WDR70: variants seen among roughly 807,000 people sequenced by gnomAD.
WDR70 encodes WD repeat domain 70.
In WDR70, 53 loss-of-function variants were observed where a neutral mutation model predicts 88.6. The observed-to-expected ratio is 0.60, with a 90% CI of 0.48 to 0.75. The LOEUF is 0.75. WDR70 is among the 30% of genes least tolerant of loss of function. WDR70 has a pLI of 0.00. For missense variants in WDR70, 610 were observed against 823.2 expected, an observed-to-expected ratio of 0.74 and a Z score of 3.17; for synonymous variants, 280 against 270.0, an observed-to-expected ratio of 1.04 and a Z score of -0.36.
At chr5:37,440,223 C>G (rs1328201905) in intron 6 of WDR70, among the ~76,000 whole-genome samples, 1 of 152,110 alleles carries the variant, frequency 6.6e-6, no homozygotes, top group Non-Finnish European at 1.5e-5. Context: ...GTCAACTGAA[C>G]CCTTCCCACT....
chr5:37,441,533 ACT>A (rs1245055546), intron 6 of WDR70, among the ~76,000 whole-genome samples: 1 of 152,038 alleles, frequency 6.6e-6, no homozygotes, highest in African/African-American at 2.4e-5. Context: ...TAAAACGTTG[ACT>A]CTGGCCAGGT....
chr5:37,727,125 T>A, intron 17 of WDR70, 80 bp downstream of exon 17: 1 of 1,485,996 alleles, frequency 6.7e-7, no homozygotes. Flanking sequence ...GTTTTTGAGT[T>A]CTAACTTCTC....
chr5:37,657,424 T>C (rs1745584394), intron 10 of WDR70, among the ~76,000 whole-genome samples: 1 of 152,196 alleles, frequency 6.6e-6, no homozygotes, highest in South Asian at 2.1e-4. Context: ...AGACCTGAGC[T>C]ATTCCTATTC....
At chr5:37,749,431 A>G (rs972336464) in intron 17 of WDR70, among the ~76,000 whole-genome samples, 6 of 151,770 alleles carry the variant, frequency 4.0e-5, no homozygotes, top group Non-Finnish European at 7.3e-5. Flanking sequence ...ACCACACACC[A>G]GGGCCTTTTG....
chr5:37,607,407 G>A (rs887546341), intron 10 of WDR70, among the ~76,000 whole-genome samples: 2 of 152,058 alleles, frequency 1.3e-5, no homozygotes, highest in Admixed American at 6.6e-5. Context: ...TGATGATTAA[G>A]TAAAACATTC....
At chr5:37,578,475 C>G (rs1743119605) in intron 9 of WDR70, among the ~76,000 whole-genome samples, 1 of 152,150 alleles carries the variant, frequency 6.6e-6, no homozygotes, top group South Asian at 2.1e-4. Context: ...CGGTAGTTGA[C>G]CATTCAGCTG....
intron 13 of WDR70, among the ~76,000 whole-genome samples, chr5:37,717,617 G>T (rs1261708558): frequency 6.6e-6 from 1 of 152,148 alleles, no homozygotes; most frequent in Non-Finnish European, 1.5e-5. Flanking sequence ...TCTGATGTTG[G>T]TTCCTTAGGC....
At chr5:37,478,809 A>G (rs1739565870) in intron 7 of WDR70, among the ~76,000 whole-genome samples, 1 of 152,248 alleles carries the variant, frequency 6.6e-6, no homozygotes, top group South Asian at 2.1e-4. Flanking sequence ...ATTAGCCATC[A>G]GTAGGCAAAA....
chr5:37,656,612 G>A (rs1350742847), intron 10 of WDR70, among the ~76,000 whole-genome samples: 2 of 152,200 alleles, frequency 1.3e-5, no homozygotes, highest in African/African-American at 4.8e-5. Flanking sequence ...CCCCTGACTG[G>A]GGCTGCTGCC....
chr5:37,726,809 C>T lies in WDR70; in HGVS notation c.1715-74C>T, dbSNP rs886224559. 54 of 1,402,998 alleles carry T rather than the reference C, an allele frequency of 3.8e-5. 1 individual carries two copies. In the East Asian group the frequency reaches 1.3e-3, roughly 33 times the overall value. The allele number at this position is 1,402,998 out of a possible 1,614,324, so 86.9% of individuals were successfully genotyped here. A position where few individuals can be genotyped will look rare whatever the true frequency, so the allele number is the denominator to read the frequency against. On this transcript the variant is annotated intron_variant, in intron 16 of 17. Transcript: ENST00000265107. ...CTTGAGATTTGTGCTCAGATAAGTA[C>T]AGTGTACACAGATATACCTATGTAT...
intron 10 of WDR70, among the ~76,000 whole-genome samples, chr5:37,605,885 T>C (rs1744019020): frequency 6.6e-6 from 1 of 152,166 alleles, no homozygotes; most frequent in African/African-American, 2.4e-5. Context: ...GTATAGATGG[T>C]AAAACAAAGA....
intron 10 of WDR70, among the ~76,000 whole-genome samples, chr5:37,665,469 T>G (rs1314602906): frequency 6.6e-6 from 1 of 152,202 alleles, no homozygotes; most frequent in Non-Finnish European, 1.5e-5. Flanking sequence ...AAGCATCTGC[T>G]GCACAGGCGC....
chr5:37,740,234 C>T (rs1013596245), intron 17 of WDR70, among the ~76,000 whole-genome samples: 1 of 152,108 alleles, frequency 6.6e-6, no homozygotes, highest in Non-Finnish European at 1.5e-5. Flanking sequence ...AAAGTGGTGA[C>T]TAAAGAAATC....
intron 12 of WDR70, among the ~76,000 whole-genome samples, chr5:37,701,785 CAAAAAAAAA>C: frequency 8.7e-6 from 1 of 115,058 alleles, no homozygotes; most frequent in Admixed American, 9.0e-5. Context: ...GACTCCATCT[CAAAAAAAAA>C]AAAAAAAAAA....
At chr5:37,398,550 T>C (rs1030546774) in intron 5 of WDR70, among the ~76,000 whole-genome samples, 35 of 152,344 alleles carry the variant, frequency 2.3e-4, no homozygotes, top group African/African-American at 7.9e-4. Context: ...TCTCAGTACA[T>C]AGTACAGCAA....
chr5:37,646,119 G>C lies in WDR70; in HGVS notation c.1092+40881G>C, dbSNP rs571725272. ...TTTAATTTTTTGCTTTTTATTTTTT[G>C]TGTATCCATTGTATGTTTTTTGATT... On this transcript the variant is annotated intron_variant, in intron 10 of 17. Coordinates refer to ENST00000265107, the MANE Select transcript of WDR70 (RefSeq NM_018034.4). Among the ~76,000 whole-genome samples the C allele has an allele frequency of 6.0e-5, 9 of 150,348 alleles. No individual in the cohort carries two copies. The South Asian group carries it at 1.7e-3, about 28-fold the overall frequency.
At position 37,535,419 on chromosome 5, in the gene WDR70, G is replaced by A. The variant is rs544183028; in HGVS notation, c.917+18829G>A. On this transcript the variant is annotated intron_variant, in intron 9 of 17. Coordinates refer to ENST00000265107, the MANE Select transcript of WDR70 (RefSeq NM_018034.4). ...AGTGAGAGTGATAGGAAATGAGTTTGGAAAAGAGGACAGGGCCACTGAAAT... is the reference window on the plus strand; with the variant it reads ...AGTGAGAGTGATAGGAAATGAGTTTAGAAAAGAGGACAGGGCCACTGAAAT... 7.2e-5 allele frequency among the ~76,000 whole-genome samples: 11 copies of A among 152,106 alleles called. 1 individual carries two copies. The South Asian group carries it at 2.1e-3, about 29-fold the overall frequency.
At chr5:37,703,404 T>C (rs936923836) in intron 13 of WDR70, among the ~76,000 whole-genome samples, 9 of 152,162 alleles carry the variant, frequency 5.9e-5, no homozygotes, top group African/African-American at 2.2e-4. Flanking sequence ...ACAATGGGCA[T>C]GTTTGTGAGG....
chr5:37,423,231 C>T (rs1750002897), intron 5 of WDR70, among the ~76,000 whole-genome samples: 1 of 151,954 alleles, frequency 6.6e-6, no homozygotes, highest in East Asian at 1.9e-4. Flanking sequence ...GGTTAAACAA[C>T]TTACTGAAGG....
Sources: gnomAD v4.1 joint callset for allele counts (sites outside exome capture counted in the v4.1 genomes callset) on GRCh38, gnomAD v4.1.1 for gene constraint, MANE v1.5 for transcripts, NCBI Gene and HGNC (gene_info 2026-07-23, HGNC 2026-07-21) for gene names.